Variants in SUPT3H observed in about 807,000 individuals in gnomAD.
The protein encoded by SUPT3H is SPT3 homolog, SAGA and STAGA complex component.
A neutral mutation model predicts 44.3 loss-of-function variants in SUPT3H; 44 were observed. That is an observed-to-expected ratio of 0.99 (90% CI 0.78 to 1.28). SUPT3H has a LOEUF of 1.28. Among genes scored for constraint, SUPT3H ranks in the 50% most tolerant of loss-of-function variants. The pLI, the probability that SUPT3H is intolerant of heterozygous loss-of-function variation, is 0.00. For synonymous variants in SUPT3H, 124 were observed against 125.6 expected, an observed-to-expected ratio of 0.99 and a Z score of 0.09; for missense variants, 380 against 387.1, an observed-to-expected ratio of 0.98 and a Z score of 0.15.
chr6:45,055,967 CAA>C (rs1791052590), intron 3 of SUPT3H, among the ~76,000 whole-genome samples: 1 of 151,898 alleles, frequency 6.6e-6, no homozygotes, highest in East Asian at 1.9e-4. Context: ...GGAACTCAAA[CAA>C]ATCAGCAAGA....
intron 4 of SUPT3H, among the ~76,000 whole-genome samples, chr6:45,016,235 C>G (rs1583066304): frequency 6.6e-6 from 1 of 152,008 alleles, no homozygotes; most frequent in South Asian, 2.1e-4. Context: ...TTGTTCAGCT[C>G]CATTATAATC....
At chr6:44,996,983 C>T (rs2153502173) in intron 6 of SUPT3H, among the ~76,000 whole-genome samples, 1 of 151,852 alleles carries the variant, frequency 6.6e-6, no homozygotes, top group Non-Finnish European at 1.5e-5. Flanking sequence ...ATTCTCTTCA[C>T]AGGAGTGCCT....
intron 10 of SUPT3H, among the ~76,000 whole-genome samples, chr6:44,928,609 A>C (rs932114958): frequency 3.9e-5 from 6 of 152,068 alleles, no homozygotes; most frequent in African/African-American, 1.4e-4. Context: ...CAGAAAAGAA[A>C]CAAGGGCCGG....
chr6:45,009,220 T>C (rs1471235257), intron 5 of SUPT3H, among the ~76,000 whole-genome samples: 1 of 152,158 alleles, frequency 6.6e-6, no homozygotes, highest in African/African-American at 2.4e-5. Context: ...ATTCTGTGGT[T>C]TGTCTTTTCA....
intron 10 of SUPT3H, among the ~76,000 whole-genome samples, chr6:44,903,555 A>T (rs1181912556): frequency 6.6e-6 from 1 of 152,184 alleles, no homozygotes; most frequent in Non-Finnish European, 1.5e-5. Context: ...TACCTACCAA[A>T]AAAAGTCCAG....
intron 9 of SUPT3H, among the ~76,000 whole-genome samples, chr6:44,952,515 C>G (rs1361500173): frequency 2.0e-5 from 3 of 152,172 alleles, no homozygotes; most frequent in African/African-American, 7.2e-5. Context: ...TATATTTCAA[C>G]CAACTTGATC....
At chr6:44,901,214 C>T (rs1361729591) in intron 10 of SUPT3H, among the ~76,000 whole-genome samples, 1 of 152,112 alleles carries the variant, frequency 6.6e-6, no homozygotes, top group Non-Finnish European at 1.5e-5. Context: ...TTCAGACAAT[C>T]AAACTACTCC....
chr6:45,127,507 T>C (rs1802622426), intron 2 of SUPT3H, among the ~76,000 whole-genome samples: 1 of 152,176 alleles, frequency 6.6e-6, no homozygotes, highest in Non-Finnish European at 1.5e-5. Flanking sequence ...GATTAAATAA[T>C]TTGTCTAAGG....
At chr6:45,112,140 A>C (rs1195788631) in intron 2 of SUPT3H, among the ~76,000 whole-genome samples, 1 of 152,208 alleles carries the variant, frequency 6.6e-6, no homozygotes, top group East Asian at 1.9e-4. Context: ...CTTTATTTTG[A>C]ATCAAATATA....
At chr6:44,974,974 C>T (rs1778114030) in intron 6 of SUPT3H, among the ~76,000 whole-genome samples, 1 of 152,032 alleles carries the variant, frequency 6.6e-6, no homozygotes, top group Non-Finnish European at 1.5e-5. Flanking sequence ...AGTTCGAGAC[C>T]AGCCTGACCA....
At chr6:44,834,566 G>A (rs576868980) in intron 10 of SUPT3H, among the ~76,000 whole-genome samples, 5 of 152,234 alleles carry the variant, frequency 3.3e-5, no homozygotes, top group African/African-American at 1.2e-4. Flanking sequence ...TAGAATCAAG[G>A]AACAATAGAA....
At chr6:44,874,661 C>T (rs1330310008) in intron 10 of SUPT3H, among the ~76,000 whole-genome samples, 8 of 80,166 alleles carry the variant, frequency 1.0e-4, no homozygotes, top group African/African-American at 4.2e-4. Context: ...GGCAATCAGG[C>T]AGGAGAAGGA....
chr6:45,348,556 T>G (rs1052488781), intron 2 of SUPT3H, among the ~76,000 whole-genome samples: 1 of 148,134 alleles, frequency 6.8e-6, no homozygotes, highest in Non-Finnish European at 1.5e-5. Context: ...ATGCCTGTAG[T>G]CCCAGCTACT....
intron 3 of SUPT3H, among the ~76,000 whole-genome samples, chr6:45,083,737 A>G (rs1237802790): frequency 6.6e-6 from 1 of 152,116 alleles, no homozygotes; most frequent in African/African-American, 2.4e-5. Flanking sequence ...GGTCTAGTAT[A>G]AAAACAGACA....
chr6:44,816,561 T>TAAC (rs56377407), intron 11 of SUPT3H, among the ~76,000 whole-genome samples: 40,933 of 151,774 alleles, frequency 0.27, 5,775 homozygotes, highest in African/African-American at 0.31. Context: ...TACGGAATTT[T>TAAC]AACAACAACA....
chr6:44,840,695 A>G (rs191308830), intron 10 of SUPT3H, among the ~76,000 whole-genome samples: 91 of 152,326 alleles, frequency 6.0e-4, no homozygotes, highest in African/African-American at 1.7e-3. Flanking sequence ...CACATTCACT[A>G]TAGGATTTCA....
chr6:45,177,363 T>G (rs1158490026), intron 2 of SUPT3H, among the ~76,000 whole-genome samples: 1 of 151,928 alleles, frequency 6.6e-6, no homozygotes. Flanking sequence ...AAGGGAAGTT[T>G]AGAGAAAAAA....
chr6:44,847,566 C>T (rs959061829), intron 10 of SUPT3H, among the ~76,000 whole-genome samples: 3 of 151,680 alleles, frequency 2.0e-5, no homozygotes, highest in African/African-American at 7.3e-5. Context: ...TGGCTCACTA[C>T]AACCTCCGCC....
intron 2 of SUPT3H, among the ~76,000 whole-genome samples, chr6:45,182,648 G>C (rs1475563061): frequency 6.6e-6 from 1 of 152,154 alleles, no homozygotes; most frequent in East Asian, 1.9e-4. Context: ...TTCCTATATG[G>C]TATTTGACCT....
Sources: allele counts gnomAD v4.1 joint callset (sites outside exome capture counted in the v4.1 genomes callset), GRCh38; gene constraint gnomAD v4.1.1; transcripts MANE v1.5; gene names NCBI Gene and HGNC (gene_info 2026-07-23, HGNC 2026-07-21).